Variants in IMMP2L observed in about 807,000 individuals in gnomAD.
IMMP2L encodes the protein mitochondrial inner membrane protease subunit 2.
Under a neutral mutation model 19.3 loss-of-function variants are expected in IMMP2L, and 18 were observed. The ratio of observed to expected loss-of-function variants is 0.93; its 90% CI spans 0.64 to 1.38. The LOEUF is 1.38. Among genes scored for constraint, IMMP2L ranks in the 40% most tolerant of loss-of-function variants. The probability of loss-of-function intolerance (pLI) is 0.00; values close to 1 mark genes in which losing one functional copy is unlikely to be tolerated. For missense variants in IMMP2L, 233 were observed against 218.2 expected (o/e 1.07, Z -0.43); for synonymous variants, 76 against 73.0 (o/e 1.04, Z -0.21).
At chr7:111,132,390 C>T (rs1056717405) in intron 3 of IMMP2L, among the ~76,000 whole-genome samples, 1 of 151,902 alleles carries the variant, frequency 6.6e-6, no homozygotes, top group Non-Finnish European at 1.5e-5. Flanking sequence ...GCCAACTCTC[C>T]GATTACACTT....
At chr7:110,962,381 G>A (rs570993680) in intron 4 of IMMP2L, 6 of 151,354 alleles carry the variant, frequency 4.0e-5, no homozygotes, top group East Asian at 2.0e-4. Context: ...AAAAGAATAC[G>A]ATTTAAATAA....
At chr7:110,984,291 C>CAAAAAAAAA in intron 3 of IMMP2L, among the ~76,000 whole-genome samples, 1 of 130,548 alleles carries the variant, frequency 7.7e-6, no homozygotes, top group Non-Finnish European at 1.7e-5. Context: ...TACTTATCAC[C>CAAAAAAAAA]AAAAAAAAAA....
At chr7:111,074,057 CTT>C (rs1334844895) in intron 3 of IMMP2L, among the ~76,000 whole-genome samples, 1 of 152,180 alleles carries the variant, frequency 6.6e-6, no homozygotes, top group Admixed American at 6.5e-5. Context: ...CTGGACTCTG[CTT>C]TGTTACCCAG....
rs944654793 is a variant in IMMP2L at position 110,760,139 on chromosome 7, T to C, written c.409-96418A>G. The stretch of plus-strand genomic sequence containing the variant: ...CTAATTATTATCTACTTATCAGCCT[T>C]GGGTTGAGAATTCACTTGCTTTTGT... On this transcript the variant is annotated intron_variant, in intron 5 of 5. Transcript: ENST00000405709. The surrounding 1 kb of genome is among the most constrained non-coding windows in gnomAD (Gnocchi z 4.2). 6.6e-6 allele frequency among the ~76,000 whole-genome samples: 1 copy of C among 152,098 alleles called. No homozygotes were observed. The highest frequency in any genetic ancestry group is 2.4e-5 in the African/African-American group (1 of 41,426).
At chr7:110,926,847 A>G (rs2129551163) in intron 4 of IMMP2L, among the ~76,000 whole-genome samples, 1 of 152,282 alleles carries the variant, frequency 6.6e-6, no homozygotes, top group South Asian at 2.1e-4. Context: ...TATGAGACCC[A>G]TGAAAAAAGT....
chr7:111,347,697 G>A (rs1174945882), intron 3 of IMMP2L, among the ~76,000 whole-genome samples: 2 of 151,828 alleles, frequency 1.3e-5, no homozygotes, highest in Admixed American at 6.6e-5. Context: ...TAGAGGGTTG[G>A]GCTTGAGTAT....
At chr7:111,320,969 T>G (rs1824636236) in intron 3 of IMMP2L, among the ~76,000 whole-genome samples, 1 of 152,078 alleles carries the variant, frequency 6.6e-6, no homozygotes, top group Admixed American at 6.6e-5. Context: ...ACTAAATGTT[T>G]GCTGAATTAA....
intron 5 of IMMP2L, among the ~76,000 whole-genome samples, chr7:110,775,599 T>C (rs1386722850): frequency 6.6e-6 from 1 of 152,102 alleles, no homozygotes; most frequent in African/African-American, 2.4e-5. Flanking sequence ...TTGTCTTTAG[T>C]TCAAAGCCAT....
At chr7:110,962,700 A>C (rs1183567171) in intron 4 of IMMP2L, 2 of 1,000,288 alleles carry the variant, frequency 2.0e-6, no homozygotes, top group East Asian at 1.9e-4. Flanking sequence ...CTAGCCTAGA[A>C]TCTGCTCTAA....
At chr7:111,175,559 AG>A (rs1806954597) in intron 3 of IMMP2L, among the ~76,000 whole-genome samples, 1 of 151,100 alleles carries the variant, frequency 6.6e-6, no homozygotes, top group Admixed American at 6.6e-5. Flanking sequence ...TACAATGTGG[AG>A]GTTTTTTTTT....
intron 3 of IMMP2L, among the ~76,000 whole-genome samples, chr7:111,023,910 A>C (rs1224339066): frequency 6.6e-6 from 1 of 152,194 alleles, no homozygotes; most frequent in Non-Finnish European, 1.5e-5. Flanking sequence ...AGAAAGGTTA[A>C]GAATCACTAA....
intron 3 of IMMP2L, among the ~76,000 whole-genome samples, chr7:111,452,632 T>G (rs1029610651): frequency 6.6e-6 from 1 of 152,112 alleles, no homozygotes. Flanking sequence ...AAAATACACA[T>G]CCGTTGACTT....
chr7:110,994,350 G>A (rs115503721), intron 3 of IMMP2L, among the ~76,000 whole-genome samples: 80 of 152,090 alleles, frequency 5.3e-4, no homozygotes, highest in African/African-American at 1.6e-3. Flanking sequence ...GTCTGCTCTC[G>A]TGTTCTTTTT....
At position 110,758,915 on chromosome 7, in the gene IMMP2L, T is replaced by C. The variant is rs890864698; in HGVS notation, c.409-95194A>G. 6.6e-6 allele frequency among the ~76,000 whole-genome samples: 1 copy of C among 152,130 alleles called. No homozygotes were observed. Among genetic ancestry groups the C allele is most frequent in the Non-Finnish European group, 1.5e-5 (1 of 68,018 alleles). ...GAGAGAAAAAAATGAAAAGTGCTTA[T>C]AGACAGAGACGTCTAGAAATGACCA... On this transcript the variant is annotated intron_variant, in intron 5 of 5. Transcript: ENST00000405709. The surrounding 1 kb of genome is among the most constrained non-coding windows in gnomAD (Gnocchi z 4.6).
chr7:110,701,354 A>G (rs1175555570), intron 5 of IMMP2L, among the ~76,000 whole-genome samples: 1 of 152,200 alleles, frequency 6.6e-6, no homozygotes, highest in East Asian at 1.9e-4. Context: ...ACTAAGTGTC[A>G]AGCATTATTT....
intron 5 of IMMP2L, among the ~76,000 whole-genome samples, chr7:110,691,194 A>G (rs768331396): frequency 6.6e-6 from 1 of 152,176 alleles, no homozygotes; most frequent in African/African-American, 2.4e-5. Flanking sequence ...TCCTTGACAA[A>G]GCATAGAAAA....
chr7:111,277,994 C>T (rs957538274), intron 3 of IMMP2L, among the ~76,000 whole-genome samples: 2 of 151,950 alleles, frequency 1.3e-5, no homozygotes, highest in African/African-American at 4.8e-5. Flanking sequence ...AGTCAAATAC[C>T]ACATGTTCTC....
chr7:111,302,170 C>T (rs1304367383), intron 3 of IMMP2L, among the ~76,000 whole-genome samples: 1 of 152,032 alleles, frequency 6.6e-6, no homozygotes, highest in Admixed American at 6.6e-5. Context: ...GGTTAGTTCT[C>T]TGTCATCAGT....
At chr7:110,946,986 C>T (rs1023879827) in intron 4 of IMMP2L, among the ~76,000 whole-genome samples, 1 of 152,124 alleles carries the variant, frequency 6.6e-6, no homozygotes, top group African/African-American at 2.4e-5. Flanking sequence ...TCCCAAAGTG[C>T]TGGGATTACA....
Sources: gnomAD v4.1 joint callset for allele counts (sites outside exome capture counted in the v4.1 genomes callset) on GRCh38, gnomAD v4.1.1 for gene constraint, Gnocchi (gnomAD v3.1) non-coding constraint, MANE v1.5 for transcripts, NCBI Gene and HGNC (gene_info 2026-07-23, HGNC 2026-07-21) for gene names.